RIPK1: variants seen among roughly 807,000 people sequenced by gnomAD.
RIPK1 encodes the protein receptor interacting serine/threonine kinase 1.
Under a neutral mutation model 62.4 loss-of-function variants are expected in RIPK1, and 27 were observed. That is an observed-to-expected ratio of 0.43 (90% CI 0.32 to 0.60). The LOEUF (loss-of-function observed/expected upper bound fraction) is 0.60. Among genes scored for constraint, RIPK1 ranks in the 20% least tolerant of loss-of-function variants. The pLI, the probability that RIPK1 is intolerant of heterozygous loss-of-function variation, is 0.07. For synonymous variants in RIPK1, 287 were observed against 303.2 expected (o/e 0.95, Z 0.55); for missense variants, 735 against 831.0 (o/e 0.88, Z 1.42).
rs755098134 is a variant in RIPK1 at position 3,076,787 on chromosome 6, A to T, written c.-37A>T. 6.3e-7 allele frequency: 1 copy of T among 1,598,950 alleles called. No individual in the cohort carries two copies. On this transcript the variant is annotated 5_prime_UTR_variant, in exon 2 of 11. Transcript: ENST00000259808. Reference sequence around the variant, plus strand: ...AGGGTACAGCTCTGCCGGGGGGGGAAAAAGTGGTACCATTTTGGGCGTTCT... The same window carrying T: ...AGGGTACAGCTCTGCCGGGGGGGGATAAAGTGGTACCATTTTGGGCGTTCT...
chr6:3,068,395 C>G (rs1333565009), upstream of RIPK1: 22 of 985,352 alleles, frequency 2.2e-5, no homozygotes, highest in Non-Finnish European at 2.4e-5. Context: ...AGCTCCGGGA[C>G]TCAGACCCCG....
intron 1 of RIPK1, among the ~76,000 whole-genome samples, chr6:3,075,293 T>A (rs1011491197): frequency 5.3e-5 from 8 of 152,194 alleles, no homozygotes; most frequent in Non-Finnish European, 1.0e-4. Flanking sequence ...CTCCATGGGT[T>A]TTTATTCTAT....
At chr6:3,074,405 T>C (rs1471423040) in intron 1 of RIPK1, among the ~76,000 whole-genome samples, 1 of 152,268 alleles carries the variant, frequency 6.6e-6, no homozygotes, top group African/African-American at 2.4e-5. Context: ...TATCCCATCG[T>C]GTTCATACAC....
At position 3,072,333 on chromosome 6, in the gene RIPK1, T is replaced by G. The variant is rs1232314577; in HGVS notation, c.-61+3672T>G. Reference sequence around the variant, plus strand: ...ACCTATCATCAAGATACAATCCTTGTTAACATTTTGGTGTCTTTATGTCTT... The same window carrying G: ...ACCTATCATCAAGATACAATCCTTGGTAACATTTTGGTGTCTTTATGTCTT... On this transcript the variant is annotated intron_variant, in intron 1 of 10. Transcript: ENST00000259808. This position sits in a 1 kb window ranked among gnomAD's most constrained non-coding sequence, Gnocchi z 5.6. 6.6e-6 allele frequency among the ~76,000 whole-genome samples: 1 copy of G among 152,188 alleles called. No homozygotes were observed. The highest frequency in any genetic ancestry group is 1.5e-5 in the Non-Finnish European group (1 of 68,030).
intron 9 of RIPK1, among the ~76,000 whole-genome samples, chr6:3,106,666 T>C (rs1321785338): frequency 6.6e-6 from 1 of 152,236 alleles, no homozygotes; most frequent in Non-Finnish European, 1.5e-5. Context: ...GATCTTGAAA[T>C]CATCTCAGGT....
intron 2 of RIPK1, among the ~76,000 whole-genome samples, chr6:3,077,306 C>T (rs1379882390): frequency 3.3e-5 from 5 of 152,076 alleles, no homozygotes; most frequent in African/African-American, 7.2e-5. Flanking sequence ...CCTATTCACT[C>T]GCTTCACATT....
At chr6:3,074,008 A>T (rs1758919606) in intron 1 of RIPK1, among the ~76,000 whole-genome samples, 1 of 152,210 alleles carries the variant, frequency 6.6e-6, no homozygotes, top group Non-Finnish European at 1.5e-5. Flanking sequence ...ATCTCGAAAT[A>T]CTTCAGCATG....
chr6:3,076,830 C>G lies in RIPK1; in HGVS notation c.7C>G (p.Pro3Ala). ...GGCGTTCTTGAGCTTCAGAATGCAA[C>G]CAGACATGTCCTTGAATGTCATTAA... is the stretch of plus-strand genomic sequence containing the variant. MQ[P>A]DMSLNVIKMK... The change falls in exon 2 of 11, where the codon CCA (proline) becomes GCA (alanine). Residue 3 changes from proline (P) to alanine (A), a missense_variant. Pro to Ala is a conservative substitution (Grantham distance 27). Around this residue, in one of 2 missense-constraint regions of RIPK1, gnomAD observed 671 missense variants for 726.2 expected, o/e 0.92. Coordinates refer to ENST00000259808, the MANE Select transcript of RIPK1 (RefSeq NM_001354930.2). The G allele has an allele frequency of 6.2e-7, 1 of 1,612,512 alleles. No homozygotes were observed. Among genetic ancestry groups the G allele is most frequent in the Non-Finnish European group, 8.5e-7 (1 of 1,179,670 alleles).
At chr6:3,083,578 C>T (rs1759531845) in intron 5 of RIPK1, among the ~76,000 whole-genome samples, 1 of 152,154 alleles carries the variant, frequency 6.6e-6, no homozygotes, top group South Asian at 2.1e-4. Context: ...ACACTTCATA[C>T]TTTCACTCAT....
At chr6:3,109,050 A>C (rs1048512054) in intron 9 of RIPK1, among the ~76,000 whole-genome samples, 7 of 152,062 alleles carry the variant, frequency 4.6e-5, no homozygotes, top group African/African-American at 7.2e-5. Flanking sequence ...GACAGTACCA[A>C]CACTTGACAA....
chr6:3,082,488 A>G (rs1004678381), intron 4 of RIPK1, among the ~76,000 whole-genome samples: 4 of 151,710 alleles, frequency 2.6e-5, no homozygotes, highest in Non-Finnish European at 4.4e-5. Flanking sequence ...TGACCTTGCT[A>G]TTTTTCTCTC....
rs556283509 is a variant in RIPK1 at position 3,114,975 on chromosome 6, C to T, written c.*1636C>T. 3.9e-5 allele frequency: 6 copies of T among 152,176 alleles called. No homozygotes were observed. The highest frequency in any genetic ancestry group is 1.9e-4 in the East Asian group (1 of 5,158). 9.4% of individuals were successfully genotyped at this position (152,176 alleles called of 1,614,324 possible). A position where few individuals can be genotyped will look rare whatever the true frequency, so the allele number is the denominator to read the frequency against. The stretch of plus-strand genomic sequence containing the variant: ...CTGTCCGGTTACTACTTGGCCACCA[C>T]GCAGCCTTGGCTCCTACAGCCCAAA... On this transcript the variant is annotated 3_prime_UTR_variant, in exon 11 of 11. Transcript: ENST00000259808. The surrounding 1 kb of genome is among the most constrained non-coding windows in gnomAD (Gnocchi z 5.0).
intron 3 of RIPK1, among the ~76,000 whole-genome samples, chr6:3,080,503 ATTC>A (rs1561751835): frequency 1.3e-5 from 2 of 152,094 alleles, no homozygotes; most frequent in African/African-American, 2.4e-5. Context: ...GTTCCCTTGT[ATTC>A]TTTTTTCTCT....
At chr6:3,064,669 A>G (rs1352231139), upstream of RIPK1, among the ~76,000 whole-genome samples, 1 of 152,124 alleles carries the variant, frequency 6.6e-6, no homozygotes, top group East Asian at 1.9e-4. Flanking sequence ...GGCGGGGTCA[A>G]GAGAACCTCC....
intron 7 of RIPK1, among the ~76,000 whole-genome samples, chr6:3,090,848 C>T (rs1760035093): frequency 9.4e-6 from 1 of 106,738 alleles, no homozygotes; most frequent in Admixed American, 8.1e-5. Context: ...CACCTAGTAA[C>T]CGCAGAGTAC....
upstream of RIPK1, among the ~76,000 whole-genome samples, chr6:3,065,719 A>G (rs1276850576): frequency 6.6e-6 from 1 of 152,096 alleles, no homozygotes; most frequent in Non-Finnish European, 1.5e-5. Flanking sequence ...CGGGCTTCAG[A>G]GATAGTACCA....
intron 3 of RIPK1, among the ~76,000 whole-genome samples, chr6:3,079,805 T>A (rs1759281826): frequency 6.6e-6 from 1 of 152,236 alleles, no homozygotes; most frequent in Non-Finnish European, 1.5e-5. Context: ...ATCAGCTGTT[T>A]GAAGTAAACA....
intron 10 of RIPK1, among the ~76,000 whole-genome samples, chr6:3,112,079 G>T (rs1483028040): frequency 6.6e-6 from 1 of 152,150 alleles, no homozygotes; most frequent in Non-Finnish European, 1.5e-5. Flanking sequence ...AGGGCGAAGG[G>T]AAGGAACCAG....
chr6:3,086,183 G>C (rs1379509814), intron 6 of RIPK1, among the ~76,000 whole-genome samples: 1 of 152,136 alleles, frequency 6.6e-6, no homozygotes, highest in Non-Finnish European at 1.5e-5. Flanking sequence ...ACCACGGTTT[G>C]GTTAACTACT....
Sources: allele counts gnomAD v4.1 joint callset (sites outside exome capture counted in the v4.1 genomes callset), GRCh38; gene constraint gnomAD v4.1.1; regional missense constraint gnomAD v4.1.1; non-coding constraint Gnocchi (gnomAD v3.1); transcripts MANE v1.5; gene names NCBI Gene and HGNC (gene_info 2026-07-23, HGNC 2026-07-21).